TARP: variants seen among roughly 807,000 people sequenced by gnomAD.
the TARP span, chr7:38,269,561 C>G: frequency 1.5e-6 from 1 of 665,928 alleles, no homozygotes; most frequent in Non-Finnish European, 2.7e-6. Context: ...CAGTCCATAT[C>G]AAAAACTCTA....
At chr7:38,270,404 T>C in the TARP span, among the ~76,000 whole-genome samples, 2 of 151,572 alleles carry the variant, frequency 1.3e-5, no homozygotes, top group Non-Finnish European at 2.9e-5. Flanking sequence ...TAATAGGTTA[T>C]CCTTTGCCTT....
the TARP span, among the ~76,000 whole-genome samples, chr7:38,266,350 A>G: frequency 6.6e-6 from 1 of 151,494 alleles, no homozygotes; most frequent in Non-Finnish European, 1.5e-5. Flanking sequence ...TCTGTCGTCC[A>G]GGTTGGAATG....
chr7:38,261,780 G>A, the TARP span, among the ~76,000 whole-genome samples: 3 of 149,378 alleles, frequency 2.0e-5, no homozygotes, highest in Non-Finnish European at 4.4e-5. Context: ...GCTGAGGCAG[G>A]AGAATCACTT....
chr7:38,264,340 C>T, the TARP span, among the ~76,000 whole-genome samples: 1 of 151,714 alleles, frequency 6.6e-6, no homozygotes. Flanking sequence ...CGCCCATAAT[C>T]CCAGCACTTG....
At chr7:38,267,474 T>G in the TARP span, among the ~76,000 whole-genome samples, 6 of 151,644 alleles carry the variant, frequency 4.0e-5, no homozygotes, top group Admixed American at 2.0e-4. Context: ...AAATAAGAAT[T>G]AAATTTCTCA....
chr7:38,268,584 T>G, the TARP span, among the ~76,000 whole-genome samples: 1 of 151,294 alleles, frequency 6.6e-6, no homozygotes, highest in Non-Finnish European at 1.5e-5. Context: ...TAATTGGCTA[T>G]AAATCTTAGG....
At chr7:38,262,806 C>T in the TARP span, among the ~76,000 whole-genome samples, 1 of 151,160 alleles carries the variant, frequency 6.6e-6, no homozygotes, top group Non-Finnish European at 1.5e-5. Flanking sequence ...AGGCACATGT[C>T]AGCACTCACT....
the TARP span, chr7:38,265,667 C>T: frequency 6.3e-7 from 1 of 1,596,550 alleles, no homozygotes; most frequent in South Asian, 1.1e-5. Flanking sequence ...ACATCTGCAT[C>T]AAGTTGTTTA....
At chr7:38,272,885 A>G in the TARP span, among the ~76,000 whole-genome samples, 1 of 151,404 alleles carries the variant, frequency 6.6e-6, no homozygotes, top group Admixed American at 6.6e-5. Flanking sequence ...TTATAAGTTC[A>G]TTTTATCATA....
the TARP span, among the ~76,000 whole-genome samples, chr7:38,267,405 T>A: frequency 1.6e-4 from 24 of 152,092 alleles, no homozygotes; most frequent in East Asian, 4.0e-3. Context: ...GATTTCCAAT[T>A]GAAACTCCAA....
the TARP span, chr7:38,273,620 C>A: frequency 1.3e-6 from 2 of 1,598,008 alleles, no homozygotes; most frequent in Non-Finnish European, 8.5e-7. Flanking sequence ...GGACCAAATA[C>A]CTTGATTTTT....
chr7:38,270,834 A>G, the TARP span, among the ~76,000 whole-genome samples: 4 of 150,264 alleles, frequency 2.7e-5, no homozygotes, highest in South Asian at 8.4e-4. Context: ...CATTCCTTTC[A>G]TTTTCCAAAA....
the TARP span, among the ~76,000 whole-genome samples, chr7:38,260,898 A>T: frequency 6.6e-6 from 1 of 151,730 alleles, no homozygotes; most frequent in Non-Finnish European, 1.5e-5. Context: ...TTGGAAATAG[A>T]GGAAAGTTGA....
At chr7:38,269,399 C>T in the TARP span, 1 of 657,692 alleles carries the variant, frequency 1.5e-6, no homozygotes, top group East Asian at 2.7e-5. Context: ...TCCAATTCCT[C>T]TTTTTTCTAA....
At chr7:38,262,331 A>C in the TARP span, 1 of 773,454 alleles carries the variant, frequency 1.3e-6, no homozygotes, top group Non-Finnish European at 2.2e-6. Context: ...TAAAAATATG[A>C]GCCCACAATT....
chr7:38,266,539 T>G, the TARP span, among the ~76,000 whole-genome samples: 1 of 152,042 alleles, frequency 6.6e-6, no homozygotes, highest in South Asian at 2.1e-4. Context: ...TGCGCTCAAG[T>G]GATCTGCCTG....
At chr7:38,270,445 A>G in the TARP span, among the ~76,000 whole-genome samples, 8 of 151,464 alleles carry the variant, frequency 5.3e-5, no homozygotes, top group African/African-American at 9.8e-5. Context: ...CAAAGGGAAC[A>G]TTGGCTAAAG....
At chr7:38,271,634 A>T in the TARP span, among the ~76,000 whole-genome samples, 2 of 151,596 alleles carry the variant, frequency 1.3e-5, no homozygotes, top group Non-Finnish European at 2.9e-5. Context: ...ATACAACTGT[A>T]GAATAACAGA....
chr7:38,269,442 C>T, the TARP span: 1 of 720,706 alleles, frequency 1.4e-6, no homozygotes, highest in East Asian at 2.5e-5. Flanking sequence ...TAATAATTTC[C>T]TGCTTTCCCT....
Sources: gnomAD v4.1 joint callset for allele counts (sites outside exome capture counted in the v4.1 genomes callset) on GRCh38, gnomAD v4.1.1 for gene constraint, MANE v1.5 for transcripts.